MBOAT1: variants seen among roughly 807,000 people sequenced by gnomAD.
MBOAT1 encodes the protein membrane bound glycerophospholipid O-acyltransferase 1.
In MBOAT1, 67 loss-of-function variants were observed where a neutral mutation model predicts 64.4. That is an observed-to-expected ratio of 1.04 (90% confidence interval 0.85 to 1.27). MBOAT1 has a LOEUF of 1.27. Among genes scored for constraint, MBOAT1 ranks in the 50% most tolerant of loss-of-function variants. The probability of loss-of-function intolerance (pLI) is 0.00; values close to 1 mark genes in which losing one functional copy is unlikely to be tolerated. For missense variants in MBOAT1, 563 were observed against 604.6 expected (o/e 0.93, Z 0.72); for synonymous variants, 229 against 218.9 (o/e 1.05, Z -0.41).
chr6:20,111,593 A>G (rs1760138426), intron 11 of MBOAT1, among the ~76,000 whole-genome samples: 1 of 152,056 alleles, frequency 6.6e-6, no homozygotes, highest in South Asian at 2.1e-4. Context: ...CACCTGAGGG[A>G]ATAATACTCT....
chr6:20,124,329 C>T, intron 8 of MBOAT1, 79 bp downstream of exon 8: 1 of 1,453,032 alleles, frequency 6.9e-7, no homozygotes, highest in Non-Finnish European at 9.4e-7. Flanking sequence ...ATGAAGTGAT[C>T]CAAAACGTCG....
Position 20,144,326 on chromosome 6 carries a change from A to T in MBOAT1, c.324-11T>A, listed in dbSNP as rs748457039. The T allele has an allele frequency of 6.5e-7, 1 of 1,531,922 alleles. No individual in the cohort carries two copies. Among genetic ancestry groups the T allele is most frequent in the South Asian group, 1.1e-5 (1 of 88,258 alleles). 94.9% of individuals were successfully genotyped at this position (1,531,922 alleles called of 1,614,324 possible). On this transcript the variant is annotated splice_polypyrimidine_tract_variant and intron_variant, in intron 3 of 12. Transcript: ENST00000324607. Reference sequence around the variant, plus strand: ...ACAAAAAAGGAATATCTGAAAGCAAAAACATAGATGATCAGATTATTATGC... The same window carrying T: ...ACAAAAAAGGAATATCTGAAAGCAATAACATAGATGATCAGATTATTATGC...
intron 1 of MBOAT1, among the ~76,000 whole-genome samples, chr6:20,193,624 T>A (rs1581460814): frequency 1.3e-5 from 2 of 149,310 alleles, no homozygotes; most frequent in African/African-American, 2.5e-5. Context: ...TTTTTTTTTT[T>A]AAAGATGGAG....
intron 4 of MBOAT1, among the ~76,000 whole-genome samples, chr6:20,135,800 T>C (rs987965035): frequency 6.6e-6 from 1 of 152,110 alleles, no homozygotes; most frequent in African/African-American, 2.4e-5. Flanking sequence ...ACTTGGACAG[T>C]AGAAAAGCAG....
In MBOAT1 at chr6:20,141,772, C is replaced by A. The variant is rs539409437; in HGVS notation, c.419+2448G>T. 5.3e-5 allele frequency among the ~76,000 whole-genome samples: 8 copies of A among 152,194 alleles called. No individual in the cohort carries two copies. The South Asian group carries it at 1.7e-3, about 32-fold the overall frequency. On this transcript the variant is annotated intron_variant, in intron 4 of 12. Transcript: ENST00000324607. ...AGGACAGCCAGTCAGGAAGGCGTTG[C>A]AGGCTTGGGGTGGTCCAGGGTGGTG...
At chr6:20,158,823 A>G (rs1013586396) in intron 1 of MBOAT1, among the ~76,000 whole-genome samples, 1 of 152,244 alleles carries the variant, frequency 6.6e-6, no homozygotes, top group Non-Finnish European at 1.5e-5. Context: ...GAAATGCTCA[A>G]CATCTCTAAT....
At chr6:20,164,462 TTAGA>T (rs1761957464) in intron 1 of MBOAT1, among the ~76,000 whole-genome samples, 1 of 152,184 alleles carries the variant, frequency 6.6e-6, no homozygotes, top group South Asian at 2.1e-4. Context: ...TTCACAAGTA[TTAGA>T]TAGGCTACAA....
chr6:20,160,599 C>T (rs992324511), intron 1 of MBOAT1, among the ~76,000 whole-genome samples: 6 of 152,190 alleles, frequency 3.9e-5, no homozygotes, highest in East Asian at 1.9e-4. Context: ...AATAAACATT[C>T]GGCAACACTG....
intron 11 of MBOAT1, among the ~76,000 whole-genome samples, chr6:20,111,883 T>TATAC (rs1581396186): frequency 2.4e-4 from 33 of 140,048 alleles, no homozygotes; most frequent in East Asian, 6.0e-4. Context: ...TATATATGTA[T>TATAC]ATATATATAT....
intron 8 of MBOAT1, 79 bp downstream of exon 8, chr6:20,124,329 C>G: frequency 1.4e-6 from 2 of 1,453,032 alleles, no homozygotes; most frequent in Non-Finnish European, 1.9e-6. Context: ...ATGAAGTGAT[C>G]CAAAACGTCG....
chr6:20,158,131 G>A (rs1012047572), intron 1 of MBOAT1, among the ~76,000 whole-genome samples: 1 of 149,138 alleles, frequency 6.7e-6, no homozygotes, highest in Non-Finnish European at 1.5e-5. Context: ...ACTCCAGCCT[G>A]GGTGACAGAG....
At chr6:20,120,585 C>T (rs1760466551) in intron 8 of MBOAT1, among the ~76,000 whole-genome samples, 1 of 152,152 alleles carries the variant, frequency 6.6e-6, no homozygotes. Flanking sequence ...AGGAGAATCA[C>T]TTGAACCCAG....
At chr6:20,192,991 A>ATT (rs1238333593) in intron 1 of MBOAT1, among the ~76,000 whole-genome samples, 2 of 59,842 alleles carry the variant, frequency 3.3e-5, no homozygotes, top group African/African-American at 9.8e-5. Context: ...GTATGCTATA[A>ATT]TTTCTTTTTT....
At chr6:20,119,741 GACAA>G (rs1249562984) in intron 8 of MBOAT1, among the ~76,000 whole-genome samples, 4 of 152,172 alleles carry the variant, frequency 2.6e-5, no homozygotes, top group East Asian at 3.8e-4. Flanking sequence ...AGAAGAAAAA[GACAA>G]ACAAAGTGAG....
chr6:20,113,291 G>A (rs1170210449), intron 10 of MBOAT1, among the ~76,000 whole-genome samples: 1 of 152,162 alleles, frequency 6.6e-6, no homozygotes, highest in Non-Finnish European at 1.5e-5. Flanking sequence ...CACTGTATCT[G>A]TTACAGGTCT....
At chr6:20,176,160 T>G (rs1269809951) in intron 1 of MBOAT1, among the ~76,000 whole-genome samples, 1 of 152,126 alleles carries the variant, frequency 6.6e-6, no homozygotes, top group Non-Finnish European at 1.5e-5. Flanking sequence ...GATGTGCACC[T>G]GTAATTCCAC....
chr6:20,112,841 TAA>T (rs1561746752), intron 11 of MBOAT1, 33 bp downstream of exon 11: 1 of 1,596,932 alleles, frequency 6.3e-7, no homozygotes, highest in East Asian at 2.2e-5. Context: ...ATCAGATTAC[TAA>T]GGGGAAAGAC....
At chr6:20,149,757 C>A (rs1472017198) in intron 3 of MBOAT1, among the ~76,000 whole-genome samples, 1 of 151,990 alleles carries the variant, frequency 6.6e-6, no homozygotes, top group Non-Finnish European at 1.5e-5. Flanking sequence ...CCTGGGAAAC[C>A]AAAAATTTGT....
chr6:20,206,824 G>A (rs1763279891), intron 1 of MBOAT1, among the ~76,000 whole-genome samples: 1 of 151,968 alleles, frequency 6.6e-6, no homozygotes, highest in South Asian at 2.1e-4. Flanking sequence ...CCACCCTCAG[G>A]CGCACACCCC....
Sources: gnomAD v4.1 joint callset for allele counts (sites outside exome capture counted in the v4.1 genomes callset) on GRCh38, gnomAD v4.1.1 for gene constraint, MANE v1.5 for transcripts, NCBI Gene and HGNC (gene_info 2026-07-23, HGNC 2026-07-21) for gene names.